TOGARAM2: variants seen among roughly 807,000 people sequenced by gnomAD.
TOGARAM2 encodes TOG array regulator of axonemal microtubules 2, also known as TOG array regulator of axonemal microtubules protein 2.
A neutral mutation model predicts 93.3 loss-of-function variants in TOGARAM2; 85 were observed. The observed-to-expected ratio is 0.91, with a 90% confidence interval of 0.76 to 1.09. TOGARAM2 has a LOEUF of 1.09. Among genes scored for constraint, TOGARAM2 ranks in the 50% least tolerant of loss-of-function variants. The pLI, the probability that TOGARAM2 is intolerant of heterozygous loss-of-function variation, is 0.00. For synonymous variants in TOGARAM2, 593 were observed against 552.8 expected (o/e 1.07, Z -1.02); for missense variants, 1,277 against 1,334.5 (o/e 0.96, Z 0.67).
chr2:29,051,880 C>G lies in TOGARAM2; in HGVS notation c.2847C>G (p.Ile949Met). 6.4e-7 allele frequency: 1 copy of G among 1,574,780 alleles called. No homozygotes were observed. The highest frequency in any genetic ancestry group is 1.2e-5 in the South Asian group (1 of 85,972). ...NGTLPGPSGN[I>M]RGVVCRLSRS... ...CCCTGCCTGGACCCAGCGGGAACAT[C>G]CGCGGGGTGGTGTGCCGGCTGTCCA... The change falls in exon 20 of 20, where the codon ATC (isoleucine) becomes ATG (methionine). Residue 949 changes from isoleucine (I) to methionine (M), a missense_variant. By Grantham distance (10) the Ile-to-Met change is conservative (BLOSUM62 1). Coordinates refer to ENST00000379558, the MANE Select transcript of TOGARAM2 (RefSeq NM_199280.4).
chr2:29,006,429 T>A (rs72786189), intron 6 of TOGARAM2, among the ~76,000 whole-genome samples: 9 of 149,278 alleles, frequency 6.0e-5, no homozygotes, highest in African/African-American at 9.9e-5. Context: ...TATCTGTGTG[T>A]GTGCATGTGT....
rs917500789 is a variant in TOGARAM2 at position 28,999,019 on chromosome 2, G to A, written c.140-162G>A. Among the ~76,000 whole-genome samples, 15 of 152,226 alleles carry A rather than the reference G, an allele frequency of 9.9e-5. No homozygotes were observed. In the East Asian group the frequency reaches 1.9e-3, roughly 20 times the overall value. ...GATTAGGTGCTTCAGAGACACTGTC[G>A]AATGAATGACTCGTCCCCAGGAGTG... On this transcript the variant is annotated intron_variant, in intron 3 of 19. Coordinates refer to ENST00000379558, the MANE Select transcript of TOGARAM2 (RefSeq NM_199280.4).
Position 28,966,389 on chromosome 2 carries a change from C to T in TOGARAM2, c.-147+9692C>T, listed in dbSNP as rs538846788. Among the ~76,000 whole-genome samples, 8 of 152,222 alleles carry T rather than the reference C, an allele frequency of 5.3e-5. No individual in the cohort carries two copies. In the South Asian group the frequency reaches 8.3e-4, roughly 16 times the overall value. On this transcript the variant is annotated intron_variant, in intron 1 of 6. Transcript: ENST00000401723. ...CTCAGCTCACTGCAATCTCCACCTC[C>T]GGCGTTCAAGCGATTCTCCTGCCTC... is the stretch of plus-strand genomic sequence containing the variant.
chr2:29,005,986 CA>C (rs1663759196), intron 6 of TOGARAM2, among the ~76,000 whole-genome samples: 6 of 30,172 alleles, frequency 2.0e-4, no homozygotes, highest in East Asian at 8.2e-4. Context: ...CGTATGAGTG[CA>C]TGTGTAGGGT....
intron 1 of TOGARAM2, among the ~76,000 whole-genome samples, chr2:28,962,981 C>T (rs1671820781): frequency 6.6e-6 from 1 of 151,892 alleles, no homozygotes; most frequent in Admixed American, 6.6e-5. Context: ...AGCCACCACA[C>T]CTGGCTAATT....
At chr2:28,999,833 G>C (rs953400771) in intron 4 of TOGARAM2, among the ~76,000 whole-genome samples, 1 of 152,202 alleles carries the variant, frequency 6.6e-6, no homozygotes, top group Non-Finnish European at 1.5e-5. Context: ...TTATGCACAA[G>C]ACCTTCTGGC....
chr2:29,036,823 C>A, intron 18 of TOGARAM2, 66 bp downstream of exon 18: 1 of 1,487,740 alleles, frequency 6.7e-7, no homozygotes, highest in Non-Finnish European at 9.2e-7. Context: ...TGGAAATCTG[C>A]AAGGTGGATA....
intron 8 of TOGARAM2, among the ~76,000 whole-genome samples, chr2:29,016,619 C>T (rs1313910493): frequency 2.0e-5 from 3 of 152,202 alleles, no homozygotes; most frequent in Non-Finnish European, 4.4e-5. Flanking sequence ...AAACCTTAAA[C>T]GGCTTCCTGT....
chr2:29,014,580 G>A lies in TOGARAM2; in HGVS notation c.1044+19G>A. The A allele has an allele frequency of 6.4e-7, 1 of 1,558,958 alleles. No homozygotes were observed. ...CACCAAGGTACCTGGGGAGCGGGAG[G>A]AGGAGGAAGTGGGGCTGGAGTGGAC... On this transcript the variant is annotated intron_variant, in intron 8 of 19. Coordinates refer to ENST00000379558, the MANE Select transcript of TOGARAM2 (RefSeq NM_199280.4).
chr2:28,983,199 T>TATATATATATATA (rs1491158838), intron 1 of TOGARAM2, among the ~76,000 whole-genome samples: 20 of 12,492 alleles, frequency 1.6e-3, no homozygotes, highest in Non-Finnish European at 2.0e-3. Flanking sequence ...TATATATATA[T>TATATATATATATA]TTTTTTTTTT....
chr2:29,017,846 G>A lies in TOGARAM2; in HGVS notation c.1250G>A (p.Gly417Asp), dbSNP rs1553341369. ...GTLSVPTRLS[G>D]PCRNDVSIIL... ...CTGTCTGTGCCCACTAGGCTGAGCG[G>A]CCCATGCAGAAACGACGTCAGCATC... The change falls in exon 10 of 20, where the codon GGC (glycine) becomes GAC (aspartate). Residue 417 changes from glycine to aspartate, a missense_variant. By Grantham distance (94) the Gly-to-Asp change is moderately conservative. Coordinates refer to ENST00000379558, the MANE Select transcript of TOGARAM2 (RefSeq NM_199280.4). 3.1e-6 allele frequency: 5 copies of A among 1,613,512 alleles called. No individual in the cohort carries two copies. The Admixed American group carries it at 8.3e-5, about 27-fold the overall frequency.
At chr2:28,961,564 C>T (rs544274173) in intron 1 of TOGARAM2, among the ~76,000 whole-genome samples, 39 of 152,310 alleles carry the variant, frequency 2.6e-4, no homozygotes, top group African/African-American at 8.7e-4. Context: ...TGGTCTCGAA[C>T]TCCTGATCTC....
At chr2:29,022,579 G>A (rs1210237528) in intron 11 of TOGARAM2, among the ~76,000 whole-genome samples, 1 of 152,230 alleles carries the variant, frequency 6.6e-6, no homozygotes, top group African/African-American at 2.4e-5. Flanking sequence ...CCAAAGCCAG[G>A]CATGGCAAGG....
In TOGARAM2 at chr2:29,014,382, C is replaced by A; in HGVS notation, c.878-13C>A. ...GGGTGTCTTCAGCTCCACCCCTGTTCTCAACCCCTCAGAGCCAAAACCTTT... is the reference window on the plus strand; with the variant it reads ...GGGTGTCTTCAGCTCCACCCCTGTTATCAACCCCTCAGAGCCAAAACCTTT... On this transcript the variant is annotated splice_polypyrimidine_tract_variant and intron_variant, in intron 7 of 19. Coordinates refer to ENST00000379558, the MANE Select transcript of TOGARAM2 (RefSeq NM_199280.4). 1 of 1,609,196 alleles carries A rather than the reference C, an allele frequency of 6.2e-7. No individual in the cohort carries two copies.
At chr2:29,006,462 G>A (rs1216180360) in intron 6 of TOGARAM2, among the ~76,000 whole-genome samples, 1 of 151,754 alleles carries the variant, frequency 6.6e-6, no homozygotes, top group East Asian at 1.9e-4. Context: ...CTGTGTGTGA[G>A]TGCATGTGTA....
At chr2:29,019,891 A>ATGTCC (rs1664823712) in intron 10 of TOGARAM2, among the ~76,000 whole-genome samples, 2 of 152,178 alleles carry the variant, frequency 1.3e-5, no homozygotes, top group African/African-American at 4.8e-5. Context: ...TTCTCCTAAT[A>ATGTCC]TGTCCTGTGA....
chr2:29,032,153 T>A (rs1295934023), intron 14 of TOGARAM2, among the ~76,000 whole-genome samples: 1 of 152,232 alleles, frequency 6.6e-6, no homozygotes, highest in Admixed American at 6.5e-5. Flanking sequence ...AATTGAATCA[T>A]TCTTCAGCTT....
chr2:29,017,986 G>T, intron 10 of TOGARAM2, 30 bp downstream of exon 10: 1 of 1,564,024 alleles, frequency 6.4e-7, no homozygotes, highest in African/African-American at 1.4e-5. Context: ...AGGCACACGT[G>T]TCCCTCTGCC....
At chr2:28,986,077 AC>A (rs1233682950) in intron 1 of TOGARAM2, among the ~76,000 whole-genome samples, 1 of 138,360 alleles carries the variant, frequency 7.2e-6, no homozygotes, top group African/African-American at 2.7e-5. Context: ...CATGACACTG[AC>A]CTCCAGCCTG....
Sources: gnomAD v4.1 joint callset for allele counts (sites outside exome capture counted in the v4.1 genomes callset) on GRCh38, gnomAD v4.1.1 for gene constraint, MANE v1.5 for transcripts, NCBI Gene and HGNC (gene_info 2026-07-23, HGNC 2026-07-21) for gene names.